The following CA3 variants were observed in gnomAD, a reference collection of about 807,000 sequenced individuals.
CA3 encodes carbonic anhydrase 3.
Under a neutral mutation model 35.7 loss-of-function variants are expected in CA3, and 30 were observed. That is an observed-to-expected ratio of 0.84 (90% CI 0.63 to 1.14). The LOEUF (loss-of-function observed/expected upper bound fraction) is 1.14, where lower values mean the gene tolerates loss of function less well. Ranked by LOEUF, CA3 falls within the 50% of genes most tolerant of loss-of-function variation. The pLI, the probability that CA3 is intolerant of heterozygous loss-of-function variation, is 0.00. For synonymous variants in CA3, 131 were observed against 130.8 expected, an observed-to-expected ratio of 1.00 and a Z score of -0.01; for missense variants, 295 against 328.5, an observed-to-expected ratio of 0.90 and a Z score of 0.79.
intron 6 of CA3, among the ~76,000 whole-genome samples, chr8:85,447,175 A>T (rs1811303818): frequency 6.8e-6 from 1 of 146,282 alleles, no homozygotes; most frequent in Admixed American, 6.6e-5. Context: ...TTCAAGGAGA[A>T]ATCTAAAAAT....
chr8:85,440,459 GGTGA>G (rs1172882645), intron 2 of CA3, among the ~76,000 whole-genome samples: 1 of 152,104 alleles, frequency 6.6e-6, no homozygotes. Flanking sequence ...TAATCATTTG[GGTGA>G]GTATTTTTGA....
At position 85,448,051 on chromosome 8, in the gene CA3, C is replaced by A. The variant is rs760711781; in HGVS notation, c.681C>A (p.Ser227Arg). The change falls in exon 7 of 7, where the codon AGC becomes AGA. Residue 227 changes from serine to arginine, a missense_variant. Physicochemically the swap from Ser to Arg is moderately radical, Grantham distance 110 (BLOSUM62 -1). Coordinates refer to ENST00000285381, the MANE Select transcript of CA3 (RefSeq NM_005181.4). ...CTTTGCAGATGGCCAAGCTGCGGAG[C>A]CTCCTCTCCAGTGCTGAGAACGAGC... ...VSSDQMAKLR[S>R]LLSSAENEPP... 3 of 1,611,752 alleles carry A rather than the reference C, an allele frequency of 1.9e-6. No homozygotes were observed. Among genetic ancestry groups the A allele is most frequent in the Non-Finnish European group, 1.7e-6 (2 of 1,178,978 alleles).
intron 4 of CA3, 54 bp downstream of exon 4, chr8:85,444,180 G>T: frequency 3.6e-6 from 4 of 1,117,242 alleles, no homozygotes; most frequent in Non-Finnish European, 5.4e-6. Flanking sequence ...CCCTGCCAAT[G>T]GTTAGCATAG....
intron 2 of CA3, among the ~76,000 whole-genome samples, chr8:85,440,828 A>G (rs764102576): frequency 2.0e-5 from 3 of 152,212 alleles, no homozygotes; most frequent in Non-Finnish European, 4.4e-5. Context: ...AAATTTTCTT[A>G]AACAGTGGTT....
chr8:85,445,734 T>C (rs377010445), intron 5 of CA3, among the ~76,000 whole-genome samples: 2 of 152,310 alleles, frequency 1.3e-5, no homozygotes, highest in East Asian at 3.9e-4. Flanking sequence ...TTGAGTTTCA[T>C]TAACAGAGAA....
chr8:85,446,001 A>G, intron 5 of CA3, 141 bp from the exon 6 acceptor site: 1 of 751,284 alleles, frequency 1.3e-6, no homozygotes. Flanking sequence ...TTTATTTCTG[A>G]AAGGCTTATA....
At chr8:85,439,355 G>A (rs1811175119) in intron 1 of CA3, among the ~76,000 whole-genome samples, 1 of 152,138 alleles carries the variant, frequency 6.6e-6, no homozygotes, top group African/African-American at 2.4e-5. Context: ...AAAGGAACAT[G>A]GGTGTGCTCT....
chr8:85,441,485 G>A (rs972577464), intron 2 of CA3, among the ~76,000 whole-genome samples: 7 of 152,218 alleles, frequency 4.6e-5, no homozygotes, highest in African/African-American at 1.7e-4. Context: ...AGTGTAGTTG[G>A]AAGCAACACG....
intron 1 of CA3, among the ~76,000 whole-genome samples, 172 bp from the exon 2 acceptor site, chr8:85,439,540 A>G (rs866881487): frequency 4.6e-5 from 7 of 152,230 alleles, no homozygotes; most frequent in Middle Eastern, 3.2e-3. Context: ...GCTATTCACA[A>G]AACTACCAAC....
In CA3 at chr8:85,442,101, C is replaced by T. The variant is rs200115790; in HGVS notation, c.261C>T (p.Pro87=). The change falls in exon 3 of 7, where the codon CCC becomes CCT. Residue 87 remains proline, a synonymous_variant. Coordinates refer to ENST00000285381, the MANE Select transcript of CA3 (RefSeq NM_005181.4). ...SMLRGGPLPG[P]YRLRQFHLHW... Reference sequence around the variant, plus strand: ...TGAGAGGGGGTCCTCTCCCTGGACCCTACCGACTTCGCCAGTTTCATCTTC... The same window carrying T: ...TGAGAGGGGGTCCTCTCCCTGGACCTTACCGACTTCGCCAGTTTCATCTTC... The T allele has an allele frequency of 6.9e-6, 11 of 1,600,886 alleles. No individual in the cohort carries two copies.
At position 85,442,140 on chromosome 8, in the gene CA3, G is replaced by A. The variant is rs757597519; in HGVS notation, c.300G>A (p.Ser100=). Residue 100 remains serine, a synonymous_variant, in exon 3 of 7, where the codon TCG becomes TCA. Coordinates refer to ENST00000285381, the MANE Select transcript of CA3 (RefSeq NM_005181.4). Reference sequence around the variant, plus strand: ...AGTTTCATCTTCACTGGGGCTCTTCGGATGATCATGGCTCTGAGCACACCG... The same window carrying A: ...AGTTTCATCTTCACTGGGGCTCTTCAGATGATCATGGCTCTGAGCACACCG... ...LRQFHLHWGS[S]DDHGSEHTVD... The A allele has an allele frequency of 1.1e-5, 18 of 1,611,628 alleles. No individual in the cohort carries two copies. Among genetic ancestry groups the A allele is most frequent in the Middle Eastern group, 1.6e-4 (1 of 6,080 alleles).
chr8:85,444,882 G>T (rs1458773687), intron 4 of CA3, among the ~76,000 whole-genome samples: 1 of 152,104 alleles, frequency 6.6e-6, no homozygotes, highest in Non-Finnish European at 1.5e-5. Context: ...TTAGAAAAGT[G>T]GAATGACTTT....
chr8:85,445,304 A>C, intron 5 of CA3, 86 bp downstream of exon 5: 1 of 839,892 alleles, frequency 1.2e-6, no homozygotes. Flanking sequence ...TTTTCACCTA[A>C]AATCTGTTAC....
intron 2 of CA3, among the ~76,000 whole-genome samples, chr8:85,440,690 C>A (rs1811195945): frequency 6.6e-6 from 1 of 152,042 alleles, no homozygotes; most frequent in African/African-American, 2.4e-5. Context: ...CAAAATAATT[C>A]CTTATAGCCC....
chr8:85,440,358 G>T (rs1452299764), intron 2 of CA3, among the ~76,000 whole-genome samples: 2 of 152,202 alleles, frequency 1.3e-5, no homozygotes, highest in Admixed American at 6.5e-5. Flanking sequence ...TTCCCTTGGT[G>T]CCTGGGAGGT....
At chr8:85,441,465 C>T (rs1811205311) in intron 2 of CA3, among the ~76,000 whole-genome samples, 2 of 152,130 alleles carry the variant, frequency 1.3e-5, no homozygotes, top group Admixed American at 1.3e-4. Flanking sequence ...TGCTCGTTGT[C>T]TTGAAGAAAA....
In CA3 at chr8:85,446,320, G is replaced by C. The variant is rs1465046460; in HGVS notation, c.663+23G>C. 3 of 1,599,900 alleles carry C rather than the reference G, an allele frequency of 1.9e-6. No homozygotes were observed. The African/African-American group carries it at 4.0e-5, about 21-fold the overall frequency. Reference sequence around the variant, plus strand: ...CAGGTGAGCAGCCTTGTGAACACGTGGGCTTATGTTGCTGTCTGCCTATGT... The same window carrying C: ...CAGGTGAGCAGCCTTGTGAACACGTCGGCTTATGTTGCTGTCTGCCTATGT... On this transcript the variant is annotated intron_variant, in intron 6 of 6. Transcript: ENST00000285381.
chr8:85,442,006 T>G, intron 2 of CA3, 67 bp from the exon 3 acceptor site: 2 of 868,696 alleles, frequency 2.3e-6, no homozygotes, highest in Non-Finnish European at 4.0e-6. Context: ...CTAAGAGCAC[T>G]TGGTTAAAGT....
At chr8:85,446,343 T>C in intron 6 of CA3, 46 bp downstream of exon 6, 1 of 1,581,652 alleles carries the variant, frequency 6.3e-7, no homozygotes, top group Non-Finnish European at 8.6e-7. Context: ...TGTCTGCCTA[T>C]GTAAGATACA....
Sources: gnomAD v4.1 joint callset for allele counts (sites outside exome capture counted in the v4.1 genomes callset) on GRCh38, gnomAD v4.1.1 for gene constraint, MANE v1.5 for transcripts, NCBI Gene and HGNC (gene_info 2026-07-23, HGNC 2026-07-21) for gene names.